The following RIN2 variants were observed in gnomAD, a reference collection of about 807,000 sequenced individuals.
RIN2 encodes the protein Ras and Rab interactor 2, also known as RAB5 interacting protein 2.
RIN2 carries 36 observed loss-of-function variants against 78.0 expected under a neutral mutation model. The ratio of observed to expected loss-of-function variants is 0.46; its 90% CI spans 0.35 to 0.61. The LOEUF (loss-of-function observed/expected upper bound fraction) is 0.61. RIN2 is among the 20% of genes least tolerant of loss of function. RIN2 has a pLI of 0.00. For synonymous variants in RIN2, 466 were observed against 466.8 expected (o/e 1.00, Z 0.02); for missense variants, 1,087 against 1,159.7 (o/e 0.94, Z 0.91).
chr20:19,909,997 G>A (rs544010890), intron 3 of RIN2, among the ~76,000 whole-genome samples: 13 of 152,314 alleles, frequency 8.5e-5, no homozygotes, highest in Admixed American at 5.9e-4. Context: ...GTCCATCAAC[G>A]CAGATTTTGA....
At chr20:19,841,095 G>T (rs1478797557) in intron 2 of RIN2, among the ~76,000 whole-genome samples, 1 of 151,966 alleles carries the variant, frequency 6.6e-6, no homozygotes, top group East Asian at 1.9e-4. Context: ...TTAGAGATAG[G>T]GTCTCACTAT....
In RIN2 at chr20:19,980,370, A is replaced by G. The variant is rs539004086; in HGVS notation, c.1762+4583A>G. Among the ~76,000 whole-genome samples, 4 of 152,334 alleles carry G rather than the reference A, an allele frequency of 2.6e-5. No homozygotes were observed. The South Asian group carries it at 8.3e-4, about 32-fold the overall frequency. ...ATCAAAATGGGGTCAATTATGTTAC[A>G]TCAACCAAAACAAGGTTGACACCCC... On this transcript the variant is annotated intron_variant, in intron 9 of 12. Coordinates refer to ENST00000255006, the MANE Select transcript of RIN2 (RefSeq NM_018993.4).
rs369874324 is a variant in RIN2, at chr20:19,964,997, G to A, written c.509G>A (p.Arg170Gln). 10 of 1,613,300 alleles carry A rather than the reference G, an allele frequency of 6.2e-6. No homozygotes were observed. The highest frequency in any genetic ancestry group is 1.3e-5 in the African/African-American group (1 of 74,874). Reference sequence around the variant, plus strand: ...GGAATCAGTTTCGCAGATTTATTCCGGCTCATTGCTTTCTACTGCATCAGC... The same window carrying A: ...GGAATCAGTTTCGCAGATTTATTCCAGCTCATTGCTTTCTACTGCATCAGC... ...GSGISFADLFRLIAFYCISRD... is the reference protein window; with the variant it reads ...GSGISFADLFQLIAFYCISRD... The change falls in exon 7 of 13, where the codon CGG (arginine) becomes CAG (glutamine). Residue 170 changes from arginine (R) to glutamine (Q), a missense_variant. Physicochemically the swap from Arg to Gln is conservative, Grantham distance 43. This residue lies in a region of RIN2 where 706 missense variants were observed against 667.5 expected (regional missense o/e 1.06). Transcript: ENST00000255006.
chr20:19,974,612 T>C, intron 8 of RIN2, 42 bp from the exon 9 acceptor site: 1 of 1,574,254 alleles, frequency 6.4e-7, no homozygotes, highest in Non-Finnish European at 8.7e-7. Flanking sequence ...GGTCTGAGTG[T>C]ACCGTATTTA....
chr20:19,778,574 C>A (rs2034392306), intron 1 of RIN2, among the ~76,000 whole-genome samples: 1 of 152,174 alleles, frequency 6.6e-6, no homozygotes, highest in Admixed American at 6.5e-5. Flanking sequence ...GATTTGGAAC[C>A]AGAAGTGCTG....
At chr20:19,983,228 T>TA (rs1043510611) in intron 9 of RIN2, among the ~76,000 whole-genome samples, 20 of 152,312 alleles carry the variant, frequency 1.3e-4, no homozygotes, top group African/African-American at 3.9e-4. Context: ...TGTTAGCACA[T>TA]AAAAAAAGAA....
intron 12 of RIN2, among the ~76,000 whole-genome samples, chr20:19,997,806 C>T (rs2043018728): frequency 6.6e-6 from 1 of 152,104 alleles, no homozygotes; most frequent in Admixed American, 6.5e-5. Context: ...CTGATTTGCT[C>T]ATTGTCTATG....
intron 9 of RIN2, among the ~76,000 whole-genome samples, chr20:19,985,155 C>T (rs947936974): frequency 1.3e-5 from 2 of 152,216 alleles, no homozygotes; most frequent in African/African-American, 4.8e-5. Flanking sequence ...ACAAACAAAG[C>T]CACTGAATTG....
Position 19,992,246 on chromosome 20 carries a change from C to T in RIN2, c.2147C>T (p.Thr716Ile), listed in dbSNP as rs762931339. 6 of 1,599,822 alleles carry T rather than the reference C, an allele frequency of 3.8e-6. No homozygotes were observed. In the Admixed American group the frequency reaches 5.2e-5, roughly 14 times the overall value. The change falls in exon 11 of 13, where the codon ACT (threonine) becomes ATT (isoleucine). Residue 716 changes from threonine (T) to isoleucine (I), a missense_variant. Physicochemically the swap from Thr to Ile is moderately conservative, Grantham distance 89 (BLOSUM62 -1). This residue lies in a region of RIN2 where 45 missense variants were observed against 88.1 expected (regional missense o/e 0.51). Coordinates refer to ENST00000255006, the MANE Select transcript of RIN2 (RefSeq NM_018993.4). ...IAQCDMLELD[T>I]EIEYMMELLD... The stretch of plus-strand genomic sequence containing the variant: ...CAGTGTGACATGCTTGAATTGGACA[C>T]TGAAATCGAGTACATGATGGAGCTC...
intron 10 of RIN2, among the ~76,000 whole-genome samples, chr20:19,990,916 TTG>T (rs1241438920): frequency 6.6e-6 from 1 of 152,216 alleles, no homozygotes; most frequent in Non-Finnish European, 1.5e-5. Context: ...AGCAATATAA[TTG>T]AAATTCACCG....
chr20:19,916,389 C>T (rs539984028), intron 3 of RIN2, among the ~76,000 whole-genome samples: 1 of 152,196 alleles, frequency 6.6e-6, no homozygotes, highest in South Asian at 2.1e-4. Flanking sequence ...GAAACCAAAG[C>T]GGGAGGATTG....
intron 2 of RIN2, among the ~76,000 whole-genome samples, chr20:19,817,630 T>C (rs2035803469): frequency 6.6e-6 from 1 of 152,220 alleles, no homozygotes; most frequent in Non-Finnish European, 1.5e-5. Context: ...ATAATATTTA[T>C]GGATCTATTT....
intron 4 of RIN2, among the ~76,000 whole-genome samples, chr20:19,949,325 G>A (rs2041222178): frequency 6.6e-6 from 1 of 152,292 alleles, no homozygotes; most frequent in Non-Finnish European, 1.5e-5. Context: ...TAGTGAAGGT[G>A]TGGTTTTACA....
intron 3 of RIN2, among the ~76,000 whole-genome samples, chr20:19,918,304 C>T (rs1469477665): frequency 6.6e-6 from 1 of 151,786 alleles, no homozygotes; most frequent in Non-Finnish European, 1.5e-5. Context: ...CTGTAAACTT[C>T]AGGGATAATT....
At chr20:19,803,296 G>A (rs888069875) in intron 2 of RIN2, among the ~76,000 whole-genome samples, 7 of 152,136 alleles carry the variant, frequency 4.6e-5, no homozygotes, top group African/African-American at 1.7e-4. Flanking sequence ...CTTGTTGTGT[G>A]CAAAAAGAAC....
chr20:19,790,662 C>G (rs1385445528), intron 1 of RIN2, among the ~76,000 whole-genome samples: 1 of 152,156 alleles, frequency 6.6e-6, no homozygotes, highest in Non-Finnish European at 1.5e-5. Context: ...TAATCATCCA[C>G]TTACCCCAAC....
At chr20:19,851,455 G>T (rs1052432895) in intron 2 of RIN2, among the ~76,000 whole-genome samples, 3 of 152,130 alleles carry the variant, frequency 2.0e-5, no homozygotes, top group African/African-American at 7.2e-5. Context: ...GGGCATGATG[G>T]CTCAAGCCTG....
At position 19,849,144 on chromosome 20, in the gene RIN2, A is replaced by T. The variant is rs539297563; in HGVS notation, c.-36-40422A>T. 4.6e-5 allele frequency among the ~76,000 whole-genome samples: 7 copies of T among 152,224 alleles called. No individual in the cohort carries two copies. The South Asian group carries it at 8.3e-4, about 18-fold the overall frequency. On this transcript the variant is annotated intron_variant, in intron 2 of 12. Coordinates refer to ENST00000255006, the MANE Select transcript of RIN2 (RefSeq NM_018993.4). ...CCTAAACTGTATTAAAGTTGTGTAG[A>T]CTTAAACCACCAGATTTTGCAAATT... is the stretch of plus-strand genomic sequence containing the variant.
At chr20:19,840,397 C>T (rs540675664) in intron 2 of RIN2, among the ~76,000 whole-genome samples, 46 of 152,314 alleles carry the variant, frequency 3.0e-4, no homozygotes, top group African/African-American at 1.0e-3. Flanking sequence ...TTTTCACCAG[C>T]GTGACCGTGA....
Sources: allele counts gnomAD v4.1 joint callset (sites outside exome capture counted in the v4.1 genomes callset), GRCh38; gene constraint gnomAD v4.1.1; regional missense constraint gnomAD v4.1.1; transcripts MANE v1.5; gene names NCBI Gene and HGNC (gene_info 2026-07-23, HGNC 2026-07-21).